ZNF451: variants seen among roughly 807,000 people sequenced by gnomAD.
ZNF451 encodes the protein zinc finger protein 451.
ZNF451 carries 80 observed loss-of-function variants against 107.1 expected under a neutral mutation model. The ratio of observed to expected loss-of-function variants is 0.75; its 90% CI spans 0.62 to 0.90. The LOEUF is 0.90. Among genes scored for constraint, ZNF451 ranks in the 40% least tolerant of loss-of-function variants. The pLI is 0.00. For synonymous variants in ZNF451, 362 were observed against 406.5 expected (o/e 0.89, Z 1.32); for missense variants, 1,107 against 1,236.2 (o/e 0.90, Z 1.57).
chr6:57,133,728 C>T (rs566645025), intron 6 of ZNF451, among the ~76,000 whole-genome samples: 1 of 152,198 alleles, frequency 6.6e-6, no homozygotes, highest in East Asian at 1.9e-4. Context: ...CTCTGTCGCC[C>T]AGGATGGAGT....
chr6:57,161,385 A>G (rs1413934534), intron 14 of ZNF451, among the ~76,000 whole-genome samples: 1 of 152,240 alleles, frequency 6.6e-6, no homozygotes, highest in African/African-American at 2.4e-5. Context: ...CCAGTCCACT[A>G]TCTTTAGGAA....
intron 3 of ZNF451, chr6:57,103,495 A>G (rs965638165): frequency 2.0e-6 from 2 of 985,306 alleles, no homozygotes; most frequent in Admixed American, 6.2e-5. Context: ...TATGTCCCAC[A>G]GTATCTTCTC....
intron 3 of ZNF451, chr6:57,099,759 C>T: frequency 2.4e-6 from 1 of 420,732 alleles, no homozygotes; most frequent in Non-Finnish European, 4.2e-6. Context: ...TCTTGCCTTT[C>T]ATTTGTCCTT....
At chr6:57,159,525 G>GTTTTT in intron 13 of ZNF451, 3 of 135,268 alleles carry the variant, frequency 2.2e-5, no homozygotes, top group Non-Finnish European at 4.1e-5. Context: ...CATTATAAGA[G>GTTTTT]TTTTTTTTTT....
intron 2 of ZNF451, among the ~76,000 whole-genome samples, chr6:57,091,619 A>G (rs922313727): frequency 1.3e-5 from 2 of 152,100 alleles, no homozygotes; most frequent in Admixed American, 6.5e-5. Flanking sequence ...GTGTTTTATG[A>G]TGTATTTTGG....
intron 3 of ZNF451, chr6:57,105,112 A>T (rs907331699): frequency 2.0e-6 from 2 of 985,326 alleles, no homozygotes; most frequent in African/African-American, 3.5e-5. Flanking sequence ...TCTTAGTCAG[A>T]TAATAAATCC....
Position 57,158,095 on chromosome 6 carries a change from A to C in ZNF451, c.3071-2989A>C, listed in dbSNP as rs367805965. Among the ~76,000 whole-genome samples the C allele has an allele frequency of 3.3e-5, 5 of 152,316 alleles. No homozygotes were observed. In the East Asian group the frequency reaches 5.8e-4, roughly 18 times the overall value. On this transcript the variant is annotated intron_variant, in intron 13 of 14. Coordinates refer to ENST00000370706, the MANE Select transcript of ZNF451 (RefSeq NM_001031623.3). ...AGTGTGGAAGGAAGCACAGGTTCAG[A>C]AAGGTTAAATAATCTACCTGCAGTC...
intron 3 of ZNF451, among the ~76,000 whole-genome samples, chr6:57,119,797 C>A (rs2127955789): frequency 6.6e-6 from 1 of 151,214 alleles, no homozygotes; most frequent in Non-Finnish European, 1.5e-5. Context: ...CTTTCTATTT[C>A]TTTCTATTTA....
At chr6:57,150,566 A>G in intron 10 of ZNF451, 153 bp from the exon 11 acceptor site, 1 of 661,330 alleles carries the variant, frequency 1.5e-6, no homozygotes, top group East Asian at 2.8e-5. Flanking sequence ...TGTCATGTAC[A>G]GATTTGGATT....
chr6:57,153,472 G>A (rs1332552080), intron 12 of ZNF451, among the ~76,000 whole-genome samples: 3 of 150,844 alleles, frequency 2.0e-5, no homozygotes, highest in East Asian at 3.9e-4. Context: ...GCAGTGGCGC[G>A]ATCTTGGCTG....
At chr6:57,140,956 A>G (rs1831725335) in intron 7 of ZNF451, among the ~76,000 whole-genome samples, 1 of 152,204 alleles carries the variant, frequency 6.6e-6, no homozygotes, top group Admixed American at 6.5e-5. Context: ...AAAGCAAAAC[A>G]TTAGGAAAAG....
chr6:57,146,179 T>C (rs941191227), intron 9 of ZNF451, among the ~76,000 whole-genome samples: 8 of 152,194 alleles, frequency 5.3e-5, no homozygotes, highest in Non-Finnish European at 1.0e-4. Context: ...TTCTGAATAT[T>C]AGTCCTTTGT....
At chr6:57,093,845 G>C (rs1396176075) in intron 2 of ZNF451, among the ~76,000 whole-genome samples, 2 of 152,230 alleles carry the variant, frequency 1.3e-5, no homozygotes, top group Non-Finnish European at 2.9e-5. Context: ...GCATGGGCCA[G>C]GTAGTATAGA....
chr6:57,090,392 C>T lies in ZNF451; in HGVS notation c.21+118C>T, dbSNP rs2127926306. On this transcript the variant is annotated intron_variant, in intron 1 of 14. Transcript: ENST00000370706. ...CCTCGGGGCGATACCTCTTCAGTGT[C>T]TTGGGCCGAGCCCAGCTCTGGGGCC... 10 of 1,479,496 alleles carry T rather than the reference C, an allele frequency of 6.8e-6. No individual in the cohort carries two copies. In the South Asian group the frequency reaches 9.0e-5, roughly 13 times the overall value. The allele number at this position is 1,479,496 out of a possible 1,614,324, so 91.6% of individuals were successfully genotyped here. A position where few individuals can be genotyped will look rare whatever the true frequency, so the allele number is the denominator to read the frequency against.
chr6:57,124,388 C>T (rs984366216), intron 3 of ZNF451: 39 of 710,748 alleles, frequency 5.5e-5, no homozygotes, highest in Non-Finnish European at 7.8e-5. Context: ...TTTAGTAAGT[C>T]GATGTTCTTT....
At chr6:57,141,240 T>G (rs978250095) in intron 7 of ZNF451, 62 bp from the exon 8 acceptor site, 3 of 1,347,106 alleles carry the variant, frequency 2.2e-6, no homozygotes, top group South Asian at 4.3e-5. Flanking sequence ...TTTGAAAGTT[T>G]TTTTCAAGAA....
At position 57,161,080 on chromosome 6, in the gene ZNF451, A is replaced by T; in HGVS notation, c.3071-4A>T. ...TAACTGCATGTATTGATTCTTCTTT[A>T]CAGAATGTGACAGTGATGATAACAT... On this transcript the variant is annotated splice_polypyrimidine_tract_variant and splice_region_variant and intron_variant, in intron 13 of 14. Transcript: ENST00000370706. The T allele has an allele frequency of 6.5e-7, 1 of 1,542,290 alleles. No individual in the cohort carries two copies. The highest frequency in any genetic ancestry group is 8.7e-7 in the Non-Finnish European group (1 of 1,149,618).
chr6:57,122,840 A>C (rs1830709175), intron 3 of ZNF451, among the ~76,000 whole-genome samples: 1 of 152,236 alleles, frequency 6.6e-6, no homozygotes, highest in Non-Finnish European at 1.5e-5. Flanking sequence ...CTAAAAATAG[A>C]ACCGTGATTC....
chr6:57,111,367 T>TTTTG (rs1011954503), intron 3 of ZNF451, among the ~76,000 whole-genome samples: 6 of 138,790 alleles, frequency 4.3e-5, no homozygotes, highest in African/African-American at 1.7e-4. Flanking sequence ...TGTGGGGTTT[T>TTTTG]TTTGTTTTTT....
Sources: allele counts gnomAD v4.1 joint callset (sites outside exome capture counted in the v4.1 genomes callset), GRCh38; gene constraint gnomAD v4.1.1; transcripts MANE v1.5; gene names NCBI Gene and HGNC (gene_info 2026-07-23, HGNC 2026-07-21).